Variants in NOS1 observed in about 807,000 individuals in gnomAD.
NOS1 encodes the protein NOS type I.
NOS1 carries 51 observed loss-of-function variants against 164.5 expected under a neutral mutation model. That is an observed-to-expected ratio of 0.31 (90% CI 0.25 to 0.39). NOS1 has a LOEUF of 0.39. NOS1 is among the 10% of genes least tolerant of loss of function. The pLI, the probability that NOS1 is intolerant of heterozygous loss-of-function variation, is 1.00. For missense variants in NOS1, 1,362 were observed against 1,885.6 expected, an observed-to-expected ratio of 0.72 and a Z score of 5.14; for synonymous variants, 719 against 745.8, an observed-to-expected ratio of 0.96 and a Z score of 0.59.
chr12:117,340,784 C>T (rs1240049991), intron 1 of NOS1, among the ~76,000 whole-genome samples: 1 of 150,838 alleles, frequency 6.6e-6, no homozygotes, highest in African/African-American at 2.4e-5. Flanking sequence ...AGTGCAGTGG[C>T]GTGATCTTGG....
intron 1 of NOS1, among the ~76,000 whole-genome samples, chr12:117,332,875 C>A (rs570665455): frequency 3.9e-5 from 6 of 152,144 alleles, no homozygotes; most frequent in Non-Finnish European, 8.8e-5. Flanking sequence ...CCCTGCCCCC[C>A]GCCAAAATCA....
chr12:117,216,499 A>G (rs186421157), intron 28 of NOS1, among the ~76,000 whole-genome samples: 137 of 149,460 alleles, frequency 9.2e-4, no homozygotes, highest in African/African-American at 3.1e-3. Flanking sequence ...TTCTCTTGAG[A>G]TAGGGTCTTG....
intron 1 of NOS1, among the ~76,000 whole-genome samples, chr12:117,338,176 C>CA (rs1298371625): frequency 6.6e-6 from 1 of 151,890 alleles, no homozygotes; most frequent in Admixed American, 6.6e-5. Context: ...GAGATTGCGC[C>CA]ACTGCACTCC....
intron 13 of NOS1, among the ~76,000 whole-genome samples, chr12:117,263,575 CTATTATTATTATTAT>C (rs71099036): frequency 0.39 from 54,681 of 141,778 alleles, 12,274 homozygotes; most frequent in Middle Eastern, 0.5. Context: ...CAAGGTATTA[CTATTATTATTATTAT>C]TATTATTATT....
chr12:117,222,964 T>C, intron 25 of NOS1, 101 bp from the exon 26 acceptor site: 1 of 1,367,196 alleles, frequency 7.3e-7, no homozygotes, highest in Admixed American at 2.1e-5. Flanking sequence ...GCGTGTGCCA[T>C]GCGGATAGAG....
chr12:117,261,177 TCAAAAAAA>T (rs1273440974), intron 13 of NOS1, among the ~76,000 whole-genome samples: 1 of 39,134 alleles, frequency 2.6e-5, no homozygotes, highest in East Asian at 7.1e-4. Flanking sequence ...AGACTCTGCC[TCAAAAAAA>T]AAAAAAAAAA....
intron 11 of NOS1, among the ~76,000 whole-genome samples, 155 bp downstream of exon 11, chr12:117,267,888 G>A (rs922921750): frequency 6.6e-6 from 1 of 152,164 alleles, no homozygotes; most frequent in African/African-American, 2.4e-5. Context: ...CTGGAGAGGA[G>A]GGCATGCAGG....
intron 1 of NOS1, among the ~76,000 whole-genome samples, chr12:117,348,967 A>T (rs1876488341): frequency 6.6e-6 from 1 of 152,228 alleles, no homozygotes; most frequent in Non-Finnish European, 1.5e-5. Flanking sequence ...GTTCTTGATA[A>T]TTAGATTATG....
Position 117,211,254 on chromosome 12 carries a change from A to G in NOS1, c.*4055T>C. The G allele has an allele frequency of 3.0e-6, 3 of 985,414 alleles. No individual in the cohort carries two copies. The highest frequency in any genetic ancestry group is 2.4e-6 in the Non-Finnish European group (2 of 829,982). 61.0% of individuals were successfully genotyped at this position (985,414 alleles called of 1,614,324 possible). On this transcript the variant is annotated 3_prime_UTR_variant, in exon 29 of 29. Transcript: ENST00000317775. ...ATTACAGACATGAGCTACCGCGCCC[A>G]GCCTGCAAGATGCTTTAATTTCTCC...
In NOS1 at chr12:117,210,038, T is replaced by G; in HGVS notation, c.*5271A>C. On this transcript the variant is annotated 3_prime_UTR_variant, in exon 29 of 29. Coordinates refer to ENST00000317775, the MANE Select transcript of NOS1 (RefSeq NM_000620.5). ...CTCAGGCTGGAGTGCAGTGGTGCGA[T>G]CCTAGCTCACTGTCGCCTCAAACTC... 1.4e-5 allele frequency: 13 copies of G among 943,332 alleles called. No individual in the cohort carries two copies. The highest frequency in any genetic ancestry group is 1.6e-5 in the Non-Finnish European group (13 of 791,628). The allele number at this position is 943,332 out of a possible 1,614,324, so 58.4% of individuals were successfully genotyped here.
At chr12:117,349,647 G>A (rs1359967591) in intron 1 of NOS1, among the ~76,000 whole-genome samples, 1 of 152,152 alleles carries the variant, frequency 6.6e-6, no homozygotes, top group Non-Finnish European at 1.5e-5. Flanking sequence ...CCATATTTTG[G>A]AAACCTGTGC....
In NOS1 at chr12:117,220,289, G is replaced by A. The variant is rs376175117; in HGVS notation, c.3976-20C>T. 12 of 1,589,868 alleles carry A rather than the reference G, an allele frequency of 7.5e-6. No individual in the cohort carries two copies. The African/African-American group carries it at 1.5e-4, about 19-fold the overall frequency. The stretch of plus-strand genomic sequence containing the variant: ...GTACTTCTGCAAGGAGCAGAGAGCA[G>A]TGAGAAGGGGCTGGGCTGTGCAACG... On this transcript the variant is annotated intron_variant, in intron 26 of 28. Coordinates refer to ENST00000317775, the MANE Select transcript of NOS1 (RefSeq NM_000620.5).
intron 20 of NOS1, among the ~76,000 whole-genome samples, chr12:117,238,417 A>C (rs1382133315): frequency 1.3e-5 from 2 of 152,132 alleles, no homozygotes; most frequent in African/African-American, 4.8e-5. Flanking sequence ...CTGCCTCCTC[A>C]CCAGGCATCT....
At chr12:117,288,311 G>T (rs1417142761) in intron 4 of NOS1, 92 bp from the exon 5 acceptor site, 3 of 1,241,622 alleles carry the variant, frequency 2.4e-6, no homozygotes, top group Middle Eastern at 5.6e-4. Flanking sequence ...TCATGGTTGA[G>T]TTTATCTGGC....
Position 117,330,749 on chromosome 12 carries a change from C to T in NOS1, c.321G>A (p.Leu107=). The change falls in exon 2 of 29, where the codon CTG becomes CTA. Residue 107 remains leucine, a synonymous_variant. Coordinates refer to ENST00000317775, the MANE Select transcript of NOS1 (RefSeq NM_000620.5). The surrounding 1 kb of genome is among the most constrained non-coding windows in gnomAD (Gnocchi z 4.6). ...TCCCATCACCTGTAAAGGTGGTCTC[C>T]AGGTGCGTGGTGAAACCTTCAGGGC... ...LRGPEGFTTH[L]ETTFTGDGTP... 6.2e-7 allele frequency: 1 copy of T among 1,614,100 alleles called. No homozygotes were observed. The highest frequency in any genetic ancestry group is 8.5e-7 in the Non-Finnish European group (1 of 1,179,984).
At chr12:117,258,528 T>A (rs1157122897) in intron 15 of NOS1, 73 bp from the exon 16 acceptor site, 1 of 1,484,854 alleles carries the variant, frequency 6.7e-7, no homozygotes, top group African/African-American at 1.4e-5. Context: ...ACTGAGGGTC[T>A]GGGGTCCTGG....
chr12:117,260,682 G>A (rs926571593), intron 13 of NOS1, 73 bp from the exon 14 acceptor site: 63 of 1,505,566 alleles, frequency 4.2e-5, no homozygotes, highest in South Asian at 6.0e-5. Flanking sequence ...TGGGACTTTC[G>A]TGCAAGAACC....
intron 9 of NOS1, among the ~76,000 whole-genome samples, chr12:117,276,923 T>C (rs1231997938): frequency 1.3e-5 from 2 of 152,180 alleles, no homozygotes; most frequent in Non-Finnish European, 2.9e-5. Context: ...TTGCAGCTAT[T>C]GTAAACAGTG....
chr12:117,353,966 C>A (rs1008784262), intron 1 of NOS1, among the ~76,000 whole-genome samples: 2 of 152,036 alleles, frequency 1.3e-5, no homozygotes, highest in Non-Finnish European at 2.9e-5. Context: ...AATGAAAAAA[C>A]CAATGAAACA....
Sources: gnomAD v4.1 joint callset for allele counts (sites outside exome capture counted in the v4.1 genomes callset) on GRCh38, gnomAD v4.1.1 for gene constraint, Gnocchi (gnomAD v3.1) non-coding constraint, MANE v1.5 for transcripts, NCBI Gene and HGNC (gene_info 2026-07-23, HGNC 2026-07-21) for gene names.